The following IRAG1 variants were observed in gnomAD, a reference collection of about 807,000 sequenced individuals.
IRAG1 encodes inositol 1,4,5-triphosphate receptor associated 1, also known as IP3R-associated cGMP kinase substrate.
A neutral mutation model predicts 106.2 loss-of-function variants in IRAG1; 62 were observed. The observed-to-expected ratio is 0.58, with a 90% CI of 0.48 to 0.72. IRAG1 has a LOEUF of 0.72. IRAG1 is among the 30% of genes least tolerant of loss of function. IRAG1 has a pLI of 0.00. For synonymous variants in IRAG1, 462 were observed against 443.9 expected (o/e 1.04, Z -0.51); for missense variants, 1,064 against 1,140.7 (o/e 0.93, Z 0.97).
chr11:10,623,363 A>C (rs1252177674), intron 10 of IRAG1, among the ~76,000 whole-genome samples: 1 of 152,168 alleles, frequency 6.6e-6, no homozygotes, highest in Admixed American at 6.5e-5. Context: ...GCTTGGAGGA[A>C]GGGGCCTGCA....
At chr11:10,622,618 C>T (rs994709760) in intron 10 of IRAG1, among the ~76,000 whole-genome samples, 1 of 152,104 alleles carries the variant, frequency 6.6e-6, no homozygotes, top group African/African-American at 2.4e-5. Context: ...GATCCTCCCA[C>T]CTCAGCCTCC....
intron 18 of IRAG1, among the ~76,000 whole-genome samples, chr11:10,584,929 C>T (rs770953398): frequency 6.6e-6 from 1 of 152,018 alleles, no homozygotes; most frequent in African/African-American, 2.4e-5. Context: ...ATTTTGGGAG[C>T]AATCTGAGCT....
chr11:10,657,849 T>C lies in IRAG1; in HGVS notation c.68-5667A>G, dbSNP rs562816717. Reference sequence around the variant, plus strand: ...TTACCCCTGCACCCATTTTTACCAATGGGGAACCGAGGCCCAGAGGGGCAG... The same window carrying C: ...TTACCCCTGCACCCATTTTTACCAACGGGGAACCGAGGCCCAGAGGGGCAG... On this transcript the variant is annotated intron_variant, in intron 1 of 20. Transcript: ENST00000423302. This position sits in a 1 kb window ranked among gnomAD's most constrained non-coding sequence, Gnocchi z 4.1. Among the ~76,000 whole-genome samples the C allele has an allele frequency of 2.0e-5, 3 of 151,992 alleles. No homozygotes were observed. Among genetic ancestry groups the C allele is most frequent in the African/African-American group, 7.2e-5 (3 of 41,458 alleles).
At chr11:10,606,025 G>C (rs1854442528) in intron 12 of IRAG1, among the ~76,000 whole-genome samples, 1 of 152,314 alleles carries the variant, frequency 6.6e-6, no homozygotes, top group South Asian at 2.1e-4. Context: ...TGCTGGTTAG[G>C]ATCAGCTGAA....
chr11:10,623,696 T>C (rs1345897700), intron 10 of IRAG1, 82 bp downstream of exon 10: 1 of 1,269,346 alleles, frequency 7.9e-7, no homozygotes, highest in East Asian at 2.3e-5. Context: ...CAGGAAGTCT[T>C]GTGTTTACAC....
At chr11:10,599,413 C>T (rs973362308) in intron 15 of IRAG1, among the ~76,000 whole-genome samples, 1 of 152,126 alleles carries the variant, frequency 6.6e-6, no homozygotes, top group African/African-American at 2.4e-5. Context: ...TGCAGGAGTC[C>T]ACGCATTAGG....
intron 1 of IRAG1, among the ~76,000 whole-genome samples, chr11:10,689,471 C>T (rs750539625): frequency 4.6e-5 from 7 of 152,180 alleles, no homozygotes; most frequent in Admixed American, 1.3e-4. Flanking sequence ...ATCCCACATA[C>T]GATCATCTTG....
intron 15 of IRAG1, among the ~76,000 whole-genome samples, chr11:10,600,590 C>T (rs142705255): frequency 5.9e-5 from 9 of 152,350 alleles, no homozygotes; most frequent in East Asian, 1.9e-4. Flanking sequence ...CCAAAGCACA[C>T]GGACTGACAG....
chr11:10,622,902 C>CACACACACACACACACACACACACACACA, intron 10 of IRAG1, among the ~76,000 whole-genome samples: 2 of 151,778 alleles, frequency 1.3e-5, no homozygotes, highest in African/African-American at 2.4e-5. Flanking sequence ...CACACACACA[C>CACACACACACACACACACACACACACACA]TCCTGCCCTT....
At chr11:10,611,223 T>G (rs749056784) in intron 10 of IRAG1, among the ~76,000 whole-genome samples, 21 of 152,220 alleles carry the variant, frequency 1.4e-4, no homozygotes, top group Non-Finnish European at 2.8e-4. Context: ...TCAGCAATTC[T>G]TCTTTGGATA....
chr11:10,573,619 T>G lies in IRAG1; in HGVS notation c.*2713A>C, dbSNP rs1219343348. On this transcript the variant is annotated 3_prime_UTR_variant, in exon 21 of 21. Coordinates refer to ENST00000423302, the MANE Select transcript of IRAG1 (RefSeq NM_130385.4). Reference sequence around the variant, plus strand: ...CGACCTCCCTTGCTTACAAATGGAATAGGGTGGGAGAGGGCCTGTGCCTGG... The same window carrying G: ...CGACCTCCCTTGCTTACAAATGGAAGAGGGTGGGAGAGGGCCTGTGCCTGG... 1.3e-5 allele frequency: 2 copies of G among 152,238 alleles called. No individual in the cohort carries two copies. The highest frequency in any genetic ancestry group is 4.8e-5 in the African/African-American group (2 of 41,450). 9.4% of individuals were successfully genotyped at this position (152,238 alleles called of 1,614,324 possible). A position where few individuals can be genotyped will look rare whatever the true frequency, so the allele number is the denominator to read the frequency against.
chr11:10,625,042 C>G (rs1275229451), intron 9 of IRAG1, among the ~76,000 whole-genome samples: 23 of 152,148 alleles, frequency 1.5e-4, no homozygotes, highest in Admixed American at 1.5e-3. Context: ...AGCAGCCACG[C>G]CCCAGCTCCC....
At chr11:10,607,734 G>T (rs1854596005) in intron 11 of IRAG1, among the ~76,000 whole-genome samples, 2 of 152,140 alleles carry the variant, frequency 1.3e-5, no homozygotes, top group South Asian at 4.1e-4. Flanking sequence ...CAAGAGCAAA[G>T]GTAGGGGTCA....
At chr11:10,667,385 G>A (rs1000524477) in intron 1 of IRAG1, among the ~76,000 whole-genome samples, 1 of 152,186 alleles carries the variant, frequency 6.6e-6, no homozygotes, top group African/African-American at 2.4e-5. Flanking sequence ...CTGGTTGGGA[G>A]CAGCAGCTCT....
rs370381610 is a variant in IRAG1, at chr11:10,576,369, C to G, written c.2702G>C (p.Ser901Thr). The G allele has an allele frequency of 1.9e-6, 3 of 1,613,956 alleles. No homozygotes were observed. In the African/African-American group the frequency reaches 4.0e-5, roughly 22 times the overall value. Residue 901 changes from serine to threonine, a missense_variant, in exon 21 of 21, where the codon AGC (serine) becomes ACC (threonine). Ser to Thr is a moderately conservative substitution (Grantham distance 58). Transcript: ENST00000423302. ...CSAAQRDSWW[S>T]SGLQHEQPTE... ...AGGCTGCTCATGCTGGAGTCCTGAG[C>G]TCCACCAGGAGTCCCTCTGGGCTGC...
rs1564923521 is a variant in IRAG1, at chr11:10,641,155, A to G, written c.226-7084T>C. ...GCTGGGACTGCAGGTGTGAGCCACC[A>G]TGTACAGCATATAATCATATTTTCA... On this transcript the variant is annotated intron_variant, in intron 2 of 20. Coordinates refer to ENST00000423302, the MANE Select transcript of IRAG1 (RefSeq NM_130385.4). Among the ~76,000 whole-genome samples the G allele has an allele frequency of 2.0e-5, 3 of 152,146 alleles. No homozygotes were observed. In the East Asian group the frequency reaches 5.8e-4, roughly 29 times the overall value.
intron 12 of IRAG1, among the ~76,000 whole-genome samples, chr11:10,605,703 G>A (rs542050866): frequency 6.6e-6 from 1 of 152,154 alleles, no homozygotes; most frequent in Non-Finnish European, 1.5e-5. Flanking sequence ...TCAGCATTTG[G>A]ACATTAAACA....
chr11:10,624,899 A>G (rs1277384713), intron 9 of IRAG1, among the ~76,000 whole-genome samples: 2 of 152,170 alleles, frequency 1.3e-5, no homozygotes, highest in African/African-American at 4.8e-5. Flanking sequence ...ATCCCTGGCT[A>G]TCGGCCCCTT....
chr11:10,608,456 A>AT (rs568578398), intron 11 of IRAG1, among the ~76,000 whole-genome samples: 184 of 152,068 alleles, frequency 1.2e-3, no homozygotes, highest in African/African-American at 4.2e-3. Context: ...TTAAAAAAAA[A>AT]GTGGGGGTCT....
Sources: gnomAD v4.1 joint callset for allele counts (sites outside exome capture counted in the v4.1 genomes callset) on GRCh38, gnomAD v4.1.1 for gene constraint, Gnocchi (gnomAD v3.1) non-coding constraint, MANE v1.5 for transcripts, NCBI Gene and HGNC (gene_info 2026-07-23, HGNC 2026-07-21) for gene names.